DCC: variants seen among roughly 807,000 people sequenced by gnomAD.
The protein encoded by DCC is DCC netrin 1 receptor.
A neutral mutation model predicts 172.5 loss-of-function variants in DCC; 58 were observed. The ratio of observed to expected loss-of-function variants is 0.34; its 90% CI spans 0.27 to 0.42. The LOEUF is 0.42. Among genes scored for constraint, DCC ranks in the 10% least tolerant of loss-of-function variants. DCC has a pLI of 1.00. For synonymous variants in DCC, 709 were observed against 644.5 expected, an observed-to-expected ratio of 1.10 and a Z score of -1.52; for missense variants, 1,740 against 1,791.0, an observed-to-expected ratio of 0.97 and a Z score of 0.51.
chr18:52,818,364 T>A (rs968687832), intron 2 of DCC, among the ~76,000 whole-genome samples: 35 of 149,298 alleles, frequency 2.3e-4, no homozygotes, highest in African/African-American at 8.7e-4. Flanking sequence ...GCGAGCTATG[T>A]CTGTGCCACT....
intron 21 of DCC, among the ~76,000 whole-genome samples, chr18:53,419,552 A>G (rs1397293445): frequency 6.7e-6 from 1 of 149,966 alleles, no homozygotes; most frequent in African/African-American, 2.5e-5. Flanking sequence ...CTTTTTTTCT[A>G]TATTCTGATT....
At chr18:52,622,046 C>T (rs562033090) in intron 1 of DCC, among the ~76,000 whole-genome samples, 128 of 151,924 alleles carry the variant, frequency 8.4e-4, no homozygotes, top group African/African-American at 2.8e-3. Flanking sequence ...GAAAAGAGAG[C>T]GATTAAAAGA....
chr18:53,328,915 G>C (rs1263044252), intron 14 of DCC, among the ~76,000 whole-genome samples: 1 of 152,056 alleles, frequency 6.6e-6, no homozygotes, highest in African/African-American at 2.4e-5. Context: ...TCAGACCATT[G>C]GTTTTATGAA....
intron 1 of DCC, among the ~76,000 whole-genome samples, chr18:52,581,485 A>C (rs2144778138): frequency 6.6e-6 from 1 of 152,324 alleles, no homozygotes; most frequent in East Asian, 1.9e-4. Context: ...GTTGGAGCTC[A>C]ATAAATATTT....
rs5825006 is a variant in DCC, at chr18:53,309,922, G to GTATATA, written c.2053+4220_2053+4225dup. ...ATTTACTGCAAACATATATGTGCGT[G>GTATATA]TATATATATATATATATATATACAT... On this transcript the variant is annotated intron_variant, in intron 13 of 28. Transcript: ENST00000442544. 1.5e-3 allele frequency among the ~76,000 whole-genome samples: 189 copies of GTATATA among 123,510 alleles called. 1 individual carries two copies. The highest frequency in any genetic ancestry group is 8.3e-3 in the Middle Eastern group (2 of 240). The allele number at this position is 123,510 out of a possible 152,430, so 81.0% of individuals were successfully genotyped here.
intron 1 of DCC, among the ~76,000 whole-genome samples, chr18:52,678,881 A>T (rs1214469397): frequency 3.3e-5 from 5 of 151,402 alleles, no homozygotes; most frequent in African/African-American, 1.2e-4. Context: ...TTCATCGGTG[A>T]CTCTATTGTT....
chr18:52,579,155 G>T (rs558067489), intron 1 of DCC, among the ~76,000 whole-genome samples: 5 of 152,126 alleles, frequency 3.3e-5, no homozygotes, highest in Non-Finnish European at 7.4e-5. Flanking sequence ...AGAATAAATT[G>T]ATTTTTTGAT....
intron 2 of DCC, among the ~76,000 whole-genome samples, chr18:52,893,613 G>C (rs116291724): frequency 6.6e-6 from 1 of 152,098 alleles, no homozygotes; most frequent in Non-Finnish European, 1.5e-5. Flanking sequence ...TATGCTGGAT[G>C]TGAATTCTGT....
intron 7 of DCC, among the ~76,000 whole-genome samples, chr18:53,103,351 G>A (rs912420268): frequency 3.9e-5 from 6 of 152,002 alleles, no homozygotes; most frequent in African/African-American, 1.4e-4. Context: ...AGTAACTAAA[G>A]CAGCATGTTT....
chr18:53,090,870 G>C (rs1183932956), intron 7 of DCC, among the ~76,000 whole-genome samples: 1 of 151,800 alleles, frequency 6.6e-6, no homozygotes, highest in Non-Finnish European at 1.5e-5. Context: ...CACCTTAAAG[G>C]AGGAAATGGT....
At chr18:52,961,822 A>G (rs2040847071) in intron 5 of DCC, among the ~76,000 whole-genome samples, 1 of 152,114 alleles carries the variant, frequency 6.6e-6, no homozygotes, top group Non-Finnish European at 1.5e-5. Context: ...CAACCATCTG[A>G]TCTTTGACAA....
chr18:52,448,537 C>T (rs1988199137), intron 1 of DCC, among the ~76,000 whole-genome samples: 1 of 151,830 alleles, frequency 6.6e-6, no homozygotes, highest in African/African-American at 2.4e-5. Flanking sequence ...CATTTAAAGG[C>T]TTTTGAGACG....
rs145928746 is a variant in DCC, at chr18:53,075,543, A to ATT, written c.1261+9394_1261+9395dup. Among the ~76,000 whole-genome samples, 765 of 141,092 alleles carry ATT rather than the reference A, an allele frequency of 5.4e-3. 4 individuals carry two copies. The highest frequency in any genetic ancestry group is 0.022 in the Admixed American group (313 of 13,916). 92.6% of individuals were successfully genotyped at this position (141,092 alleles called of 152,430 possible). A position where few individuals can be genotyped will look rare whatever the true frequency, so the allele number is the denominator to read the frequency against. ...GGTAAATATACCAGAGTGTTATCCC[A>ATT]TTTTTTTTTTTTTTTTTTAGCTCTC... On this transcript the variant is annotated intron_variant, in intron 7 of 28. Transcript: ENST00000442544.
chr18:52,986,737 CAT>C (rs1473476004), intron 5 of DCC, among the ~76,000 whole-genome samples: 1 of 151,690 alleles, frequency 6.6e-6, no homozygotes, highest in Non-Finnish European at 1.5e-5. Context: ...TACACACACA[CAT>C]ATATATACAC....
rs138838043 is a variant in DCC, at chr18:52,661,920, TA to T, written c.92-90132del. On this transcript the variant is annotated intron_variant, in intron 1 of 28. Coordinates refer to ENST00000442544, the MANE Select transcript of DCC (RefSeq NM_005215.4). Reference sequence around the variant, plus strand: ...AAATAAGGGAGAAACTTTCAAATAATAAGAAAAAGTGTTCAGAAATTAAAAA... The same window carrying T: ...AAATAAGGGAGAAACTTTCAAATAATAGAAAAAGTGTTCAGAAATTAAAAA... 4.2e-3 allele frequency among the ~76,000 whole-genome samples: 642 copies of T among 152,064 alleles called. 27 individuals carry two copies. The East Asian group carries it at 0.11, about 25-fold the overall frequency.
At chr18:52,556,416 T>A (rs1470805087) in intron 1 of DCC, among the ~76,000 whole-genome samples, 1 of 151,886 alleles carries the variant, frequency 6.6e-6, no homozygotes, top group Non-Finnish European at 1.5e-5. Flanking sequence ...GGTAGGTAGG[T>A]TAGATAGAGT....
rs143714243 is a variant in DCC, at chr18:53,461,806, C to A, written c.3619+2348C>A. 5.8e-3 allele frequency among the ~76,000 whole-genome samples: 881 copies of A among 152,270 alleles called. 6 individuals are homozygous for A. The highest frequency in any genetic ancestry group is 0.02 in the African/African-American group (834 of 41,544). On this transcript the variant is annotated intron_variant, in intron 24 of 28. Transcript: ENST00000442544. ...CCAGTTATTGAAGGACAGTCTAGTTCCATTAAAAACTATCATCTGAAATTT... is the reference window on the plus strand; with the variant it reads ...CCAGTTATTGAAGGACAGTCTAGTTACATTAAAAACTATCATCTGAAATTT...
intron 14 of DCC, 132 bp from the exon 15 acceptor site, chr18:53,339,581 G>A (rs533850244): frequency 2.6e-6 from 2 of 766,812 alleles, no homozygotes; most frequent in African/African-American, 3.4e-5. Flanking sequence ...CTAAAATAAA[G>A]AGTGACTTGG....
At chr18:53,317,156 G>T (rs1430245120) in intron 13 of DCC, among the ~76,000 whole-genome samples, 1 of 152,152 alleles carries the variant, frequency 6.6e-6, no homozygotes. Flanking sequence ...AGCATGAAGA[G>T]GTGTTGGATT....
Sources: allele counts gnomAD v4.1 joint callset (sites outside exome capture counted in the v4.1 genomes callset), GRCh38; gene constraint gnomAD v4.1.1; transcripts MANE v1.5; gene names NCBI Gene and HGNC (gene_info 2026-07-23, HGNC 2026-07-21).